The following ADGB variants were observed in gnomAD, a reference collection of about 807,000 sequenced individuals.
The protein encoded by ADGB is androglobin.
Under a neutral mutation model 210.5 loss-of-function variants are expected in ADGB, and 172 were observed. The observed-to-expected ratio is 0.82, with a 90% CI of 0.72 to 0.93. ADGB has a LOEUF of 0.93. ADGB is among the 40% of genes least tolerant of loss of function. ADGB has a pLI of 0.00. For missense variants in ADGB, 2,025 were observed against 1,964.8 expected (o/e 1.03, Z -0.58); for synonymous variants, 658 against 662.7 (o/e 0.99, Z 0.11).
chr6:146,722,126 AT>A (rs1193978080), intron 17 of ADGB, among the ~76,000 whole-genome samples: 1 of 151,922 alleles, frequency 6.6e-6, no homozygotes, highest in African/African-American at 2.4e-5. Context: ...AAAACGAACT[AT>A]TTTTCTTTGA....
At chr6:146,711,358 T>C (rs1381321245) in intron 13 of ADGB, among the ~76,000 whole-genome samples, 1 of 152,010 alleles carries the variant, frequency 6.6e-6, no homozygotes, top group East Asian at 1.9e-4. Context: ...AAATGCCTGT[T>C]GTTTTTTTTT....
At chr6:146,716,822 A>G (rs551146676) in intron 14 of ADGB, 61 bp from the exon 15 acceptor site, 1 of 1,399,870 alleles carries the variant, frequency 7.1e-7, no homozygotes, top group African/African-American at 1.5e-5. Flanking sequence ...TTATCATTTT[A>G]CATATTTCAA....
chr6:146,640,633 T>A (rs997779043), intron 2 of ADGB, among the ~76,000 whole-genome samples: 5 of 151,904 alleles, frequency 3.3e-5, no homozygotes, highest in African/African-American at 1.2e-4. Flanking sequence ...ATGTGATTCA[T>A]CACATAAACA....
At chr6:146,665,781 A>T (rs1374776641) in intron 6 of ADGB, among the ~76,000 whole-genome samples, 2 of 152,032 alleles carry the variant, frequency 1.3e-5, no homozygotes, top group Non-Finnish European at 2.9e-5. Flanking sequence ...TTTTTCCATA[A>T]TTTTTTTCAG....
chr6:146,785,149 C>T (rs10485364), intron 31 of ADGB, among the ~76,000 whole-genome samples: 10 of 152,066 alleles, frequency 6.6e-5, no homozygotes, highest in Admixed American at 4.6e-4. Flanking sequence ...CTACACTTTG[C>T]GCAGCCTTAG....
chr6:146,701,176 T>A, intron 13 of ADGB, 106 bp downstream of exon 13: 1 of 1,262,472 alleles, frequency 7.9e-7, no homozygotes, highest in Non-Finnish European at 1.1e-6. Context: ...AACATGGATC[T>A]GAACAGTATA....
intron 26 of ADGB, among the ~76,000 whole-genome samples, chr6:146,747,755 A>C (rs544994672): frequency 1.4e-5 from 2 of 145,608 alleles, no homozygotes; most frequent in East Asian, 4.1e-4. Context: ...ATATATATGC[A>C]TGTGTATATA....
At chr6:146,726,974 T>G (rs890110236) in intron 19 of ADGB, among the ~76,000 whole-genome samples, 1 of 152,108 alleles carries the variant, frequency 6.6e-6, no homozygotes, top group Non-Finnish European at 1.5e-5. Flanking sequence ...CTCATTCTTC[T>G]TGGTCTCTTC....
intron 1 of ADGB, among the ~76,000 whole-genome samples, chr6:146,600,819 A>G (rs547676397): frequency 1.3e-5 from 2 of 151,932 alleles, no homozygotes; most frequent in Non-Finnish European, 2.9e-5. Context: ...TTCCAAGATC[A>G]TACATAGTAG....
At chr6:146,744,126 C>T (rs1249130081) in intron 25 of ADGB, among the ~76,000 whole-genome samples, 1 of 152,164 alleles carries the variant, frequency 6.6e-6, no homozygotes, top group Non-Finnish European at 1.5e-5. Flanking sequence ...ACCCACAAAA[C>T]ATAAAGAGGT....
At chr6:146,701,174 T>C in intron 13 of ADGB, 104 bp downstream of exon 13, 3 of 1,280,362 alleles carry the variant, frequency 2.3e-6, no homozygotes, top group African/African-American at 3.0e-5. Context: ...ATAACATGGA[T>C]CTGAACAGTA....
At chr6:146,707,717 A>G (rs896406787) in intron 13 of ADGB, among the ~76,000 whole-genome samples, 5 of 151,978 alleles carry the variant, frequency 3.3e-5, no homozygotes, top group Non-Finnish European at 5.9e-5. Context: ...TTTTCAGTCT[A>G]TATGTGTCTT....
intron 7 of ADGB, among the ~76,000 whole-genome samples, chr6:146,668,618 AT>A (rs1775967505): frequency 6.6e-6 from 1 of 152,058 alleles, no homozygotes; most frequent in Non-Finnish European, 1.5e-5. Context: ...AGCTCTATAA[AT>A]TTTTATACTT....
At chr6:146,807,476 G>A (rs1583649456) in intron 35 of ADGB, 14 of 1,551,528 alleles carry the variant, frequency 9.0e-6, no homozygotes, top group Non-Finnish European at 1.2e-5. Context: ...TGGAAGCTGA[G>A]CACCTAAAGC....
intron 5 of ADGB, among the ~76,000 whole-genome samples, chr6:146,660,277 C>A (rs1775837197): frequency 6.6e-6 from 1 of 152,134 alleles, no homozygotes; most frequent in African/African-American, 2.4e-5. Flanking sequence ...ATTTTTCTAT[C>A]ATTCAATTAC....
At chr6:146,651,763 G>A (rs1331893102) in intron 3 of ADGB, among the ~76,000 whole-genome samples, 3 of 152,092 alleles carry the variant, frequency 2.0e-5, no homozygotes. Flanking sequence ...AAGCAAACAT[G>A]TAATTAGATA....
At chr6:146,803,762 C>T (rs1210378141) in intron 35 of ADGB, 4 of 679,548 alleles carry the variant, frequency 5.9e-6, no homozygotes, top group East Asian at 5.5e-5. Flanking sequence ...GCCCAGCCTC[C>T]GCGCTGACAA....
chr6:146,656,248 T>C (rs1775779419), intron 4 of ADGB, among the ~76,000 whole-genome samples: 1 of 152,208 alleles, frequency 6.6e-6, no homozygotes, highest in Non-Finnish European at 1.5e-5. Flanking sequence ...ACTTAGAGCA[T>C]TTCAACAGCT....
intron 13 of ADGB, among the ~76,000 whole-genome samples, chr6:146,715,140 A>C (rs1278644111): frequency 6.6e-6 from 1 of 152,232 alleles, no homozygotes; most frequent in Non-Finnish European, 1.5e-5. Context: ...ATCATTTAGT[A>C]AATTAACATA....
Sources: gnomAD v4.1 joint callset for allele counts (sites outside exome capture counted in the v4.1 genomes callset) on GRCh38, gnomAD v4.1.1 for gene constraint, MANE v1.5 for transcripts, NCBI Gene and HGNC (gene_info 2026-07-23, HGNC 2026-07-21) for gene names.